SYTL5: variants seen among roughly 807,000 people sequenced by gnomAD.
SYTL5 encodes synaptotagmin like 5, also known as synaptotagmin-like protein 5.
Under a neutral mutation model 55.9 loss-of-function variants are expected in SYTL5, and 34 were observed. The ratio of observed to expected loss-of-function variants is 0.61; its 90% CI spans 0.46 to 0.81. SYTL5 has a LOEUF of 0.81. Among genes scored for constraint, SYTL5 ranks in the 30% least tolerant of loss-of-function variants. The pLI is 0.00. For missense variants in SYTL5, 637 were observed against 546.7 expected (o/e 1.17, Z -1.65); for synonymous variants, 221 against 188.7 (o/e 1.17, Z -1.40).
intron 3 of SYTL5, among the ~76,000 whole-genome samples, chrX:38,067,090 C>A (rs1162258340): frequency 1.8e-5 from 2 of 111,892 alleles, no homozygotes; most frequent in Non-Finnish European, 3.8e-5. Context: ...ATAATCTCAA[C>A]AATCTGTTCT....
chrX:38,097,704 T>A (rs1936971492), intron 9 of SYTL5, among the ~76,000 whole-genome samples: 1 of 109,978 alleles, frequency 9.1e-6, no homozygotes, highest in African/African-American at 3.3e-5. Context: ...TAGAAATTAT[T>A]ATTCTACCAT....
At chrX:38,056,023 A>C (rs1245603909) in intron 3 of SYTL5, among the ~76,000 whole-genome samples, 2 of 111,645 alleles carry the variant, frequency 1.8e-5, no homozygotes, top group African/African-American at 6.5e-5. Context: ...TATTGACTAT[A>C]GTCACCCAGT....
At chrX:37,958,779 T>C in the SYTL5 span, among the ~76,000 whole-genome samples, 1 of 112,231 alleles carries the variant, frequency 8.9e-6, no homozygotes, top group Non-Finnish European at 1.9e-5. Context: ...ATTTGCAAAA[T>C]GCAATGCTAA....
At chrX:37,957,049 C>T in the SYTL5 span, among the ~76,000 whole-genome samples, 1 of 111,909 alleles carries the variant, frequency 8.9e-6, no homozygotes, top group African/African-American at 3.2e-5. Flanking sequence ...TGATGCTGAA[C>T]ATCTTTTTAT....
At chrX:38,051,565 G>A (rs984388982) in intron 2 of SYTL5, among the ~76,000 whole-genome samples, 2 of 111,311 alleles carry the variant, frequency 1.8e-5, no homozygotes, top group Admixed American at 9.5e-5. Flanking sequence ...AATTCATACA[G>A]CACTTCAAGC....
At chrX:37,990,222 G>A in the SYTL5 span, among the ~76,000 whole-genome samples, 1 of 110,213 alleles carries the variant, frequency 9.1e-6, no homozygotes, top group Non-Finnish European at 1.9e-5. Flanking sequence ...TTTCAAATGG[G>A]GTAAAATCAT....
Position 38,096,143 on chromosome X carries a change from G to A in SYTL5, c.971G>A (p.Arg324Gln), listed in dbSNP as rs777001664. ...SGTSLSSDQS[R>Q]SELDLSESFT... ...CCTTTCCACCTTCCAGATCAGAGTCGATCTGAGTTAGATTTGAGTGAGTCA... is the reference window on the plus strand; with the variant it reads ...CCTTTCCACCTTCCAGATCAGAGTCAATCTGAGTTAGATTTGAGTGAGTCA... The change falls in exon 9 of 17, where the codon CGA becomes CAA. Residue 324 changes from arginine to glutamine, a missense_variant. Physicochemically the swap from Arg to Gln is conservative, Grantham distance 43. Transcript: ENST00000297875. 8.7e-5 allele frequency: 102 copies of A among 1,167,551 alleles called. No individual in the cohort carries two copies. The highest frequency in any genetic ancestry group is 7.3e-4 in the Admixed American group (32 of 43,666).
rs1031016406 is a variant in SYTL5 at position 38,083,708 on chromosome X, A to G, written c.690-5738A>G. On this transcript the variant is annotated intron_variant, in intron 6 of 16. Transcript: ENST00000297875. ...CCTAAGTTTAACACACAAACACCCAATACCTGAAATTTACTTCTTTTGGGT... is the reference window on the plus strand; with the variant it reads ...CCTAAGTTTAACACACAAACACCCAGTACCTGAAATTTACTTCTTTTGGGT... 4.6e-5 allele frequency among the ~76,000 whole-genome samples: 5 copies of G among 109,459 alleles called. No homozygotes were observed. In the East Asian group the frequency reaches 1.1e-3, roughly 25 times the overall value.
the SYTL5 span, among the ~76,000 whole-genome samples, chrX:37,932,160 T>A: frequency 7.3e-3 from 822 of 112,115 alleles, 4 homozygotes; most frequent in African/African-American, 0.025. Context: ...TTAGGAATCC[T>A]CATACTGTCC....
the SYTL5 span, among the ~76,000 whole-genome samples, chrX:37,908,567 C>T: frequency 9.0e-6 from 1 of 111,554 alleles, no homozygotes. Context: ...CTTTTTGAAC[C>T]TGTGATCGTA....
intron 8 of SYTL5, 28 bp from the exon 9 acceptor site, chrX:38,096,106 G>A (rs779426484): frequency 9.9e-6 from 9 of 906,056 alleles, no homozygotes; most frequent in Admixed American, 2.7e-5. Context: ...GCTGACTCAC[G>A]TCTTTCTTTT....
At chrX:37,910,403 T>A in the SYTL5 span, among the ~76,000 whole-genome samples, 30 of 112,355 alleles carry the variant, frequency 2.7e-4, no homozygotes, top group East Asian at 8.4e-3. Flanking sequence ...AAAGGCCTTA[T>A]CTCCAAATAG....
the SYTL5 span, among the ~76,000 whole-genome samples, chrX:37,898,814 T>C: frequency 1.3e-4 from 15 of 112,301 alleles, no homozygotes; most frequent in Non-Finnish European, 2.1e-4. Flanking sequence ...GAGAATTCTG[T>C]GAATAATTAC....
At chrX:37,891,153 A>G in the SYTL5 span, among the ~76,000 whole-genome samples, 30 of 112,387 alleles carry the variant, frequency 2.7e-4, no homozygotes, top group Non-Finnish European at 5.4e-4. Context: ...AATGAAAACA[A>G]ATGTCCACAC....
the SYTL5 span, among the ~76,000 whole-genome samples, chrX:37,933,014 A>G: frequency 9.0e-6 from 1 of 111,384 alleles, no homozygotes; most frequent in African/African-American, 3.3e-5. Context: ...ATGGCCTACA[A>G]GTGGAACTGG....
chrX:37,939,039 C>G, the SYTL5 span, among the ~76,000 whole-genome samples: 1 of 110,760 alleles, frequency 9.0e-6, no homozygotes, highest in Non-Finnish European at 1.9e-5. Context: ...AGGCAGATCA[C>G]CTGAGGTCGG....
chrX:37,968,664 T>C, the SYTL5 span, among the ~76,000 whole-genome samples: 1 of 111,458 alleles, frequency 9.0e-6, no homozygotes, highest in Non-Finnish European at 1.9e-5. Flanking sequence ...GTACTTCACT[T>C]GGTATTTTAT....
the SYTL5 span, among the ~76,000 whole-genome samples, chrX:37,968,137 G>T: frequency 9.1e-6 from 1 of 109,953 alleles, no homozygotes; most frequent in East Asian, 2.9e-4. Context: ...TACCATTAGG[G>T]TTTCTGGAAA....
chrX:38,077,749 G>C (rs1008805543), intron 6 of SYTL5, among the ~76,000 whole-genome samples: 2 of 111,996 alleles, frequency 1.8e-5, no homozygotes, highest in Non-Finnish European at 3.8e-5. Flanking sequence ...AAACTTTCAA[G>C]AATGCTGATA....
Sources: allele counts gnomAD v4.1 joint callset (sites outside exome capture counted in the v4.1 genomes callset), GRCh38; gene constraint gnomAD v4.1.1; transcripts MANE v1.5; gene names NCBI Gene and HGNC (gene_info 2026-07-23, HGNC 2026-07-21).